The following MAP3K7CL variants were observed in gnomAD, a reference collection of about 807,000 sequenced individuals.
The protein encoded by MAP3K7CL is MAP3K7 C-terminal like.
In MAP3K7CL, 16 loss-of-function variants were observed where a neutral mutation model predicts 18.6. The ratio of observed to expected loss-of-function variants is 0.86; its 90% confidence interval spans 0.58 to 1.31. The LOEUF (loss-of-function observed/expected upper bound fraction) is 1.31. Ranked by LOEUF, MAP3K7CL falls within the 50% of genes most tolerant of loss-of-function variation. The probability of loss-of-function intolerance (pLI) is 0.00; values close to 1 mark genes in which losing one functional copy is unlikely to be tolerated. For missense variants in MAP3K7CL, 163 were observed against 174.4 expected (o/e 0.93, Z 0.37); for synonymous variants, 65 against 66.8 (o/e 0.97, Z 0.13).
chr21:29,119,802 A>G (rs547362582), intron 4 of MAP3K7CL, among the ~76,000 whole-genome samples: 1 of 152,016 alleles, frequency 6.6e-6, no homozygotes, highest in East Asian at 1.9e-4. Flanking sequence ...AGCTGGGATC[A>G]CAGGCACCTG....
At chr21:29,146,724 CA>C (rs139797766) in intron 2 of MAP3K7CL, among the ~76,000 whole-genome samples, 1,829 of 152,258 alleles carry the variant, frequency 0.012, 45 homozygotes, top group African/African-American at 0.042. Flanking sequence ...AAAACAGATT[CA>C]AATTTGGTGA....
In MAP3K7CL at chr21:29,147,807, T is replaced by C. The variant is rs548489603; in HGVS notation, c.71-1382T>C. Among the ~76,000 whole-genome samples the C allele has an allele frequency of 7.2e-5, 11 of 151,934 alleles. No individual in the cohort carries two copies. In the East Asian group the frequency reaches 1.7e-3, roughly 24 times the overall value. ...TCTAACTGTATCTGTACTGTATATG[T>C]GTACTGTATAAACCTAACTGTATCT... On this transcript the variant is annotated intron_variant, in intron 2 of 4. Coordinates refer to ENST00000399928, the MANE Select transcript of MAP3K7CL (RefSeq NM_001286620.2).
At chr21:29,153,284 G>A (rs1296507885) in intron 3 of MAP3K7CL, among the ~76,000 whole-genome samples, 1 of 152,176 alleles carries the variant, frequency 6.6e-6, no homozygotes, top group Admixed American at 6.5e-5. Flanking sequence ...GTAGGTGGAA[G>A]GTCAGTTCTA....
At chr21:29,129,746 T>C (rs1471212487), upstream of MAP3K7CL, among the ~76,000 whole-genome samples, 1 of 152,254 alleles carries the variant, frequency 6.6e-6, no homozygotes, top group Admixed American at 6.5e-5. Context: ...AAGTGGGATA[T>C]ACTATTATGT....
intron 1 of MAP3K7CL, among the ~76,000 whole-genome samples, chr21:29,079,477 C>A (rs945168042): frequency 2.6e-5 from 4 of 152,262 alleles, no homozygotes; most frequent in African/African-American, 9.6e-5. Context: ...CCACTCCCCC[C>A]AGAAAGGTCT....
At chr21:29,107,356 G>T (rs1457310501) in intron 4 of MAP3K7CL, among the ~76,000 whole-genome samples, 1 of 152,064 alleles carries the variant, frequency 6.6e-6, no homozygotes, top group African/African-American at 2.4e-5. Context: ...GACTTATAAA[G>T]AAAATTGGTC....
intron 4 of MAP3K7CL, among the ~76,000 whole-genome samples, chr21:29,113,710 G>C (rs1324999991): frequency 6.6e-6 from 1 of 152,176 alleles, no homozygotes; most frequent in Non-Finnish European, 1.5e-5. Context: ...TTTTAGTAGA[G>C]ATGGGGTTTC....
intron 3 of MAP3K7CL, among the ~76,000 whole-genome samples, chr21:29,159,187 T>C (rs922859666): frequency 1.9e-4 from 29 of 152,186 alleles, no homozygotes; most frequent in African/African-American, 6.3e-4. Context: ...GTAGTACTTT[T>C]AATCACGCAT....
intron 4 of MAP3K7CL, among the ~76,000 whole-genome samples, chr21:29,118,933 C>G (rs554213638): frequency 6.6e-6 from 1 of 152,378 alleles, no homozygotes; most frequent in South Asian, 2.1e-4. Flanking sequence ...CCTCCTACTT[C>G]CCATATTCCC....
Position 29,160,065 on chromosome 21 carries a change from C to T in MAP3K7CL, c.248+9C>T. ...CTGCTTGAGCAAAGGAAGTAAGTAC[C>T]TACCCCCCTCACTCTACATCTGAGC... On this transcript the variant is annotated intron_variant, in intron 4 of 4. Coordinates refer to ENST00000399928, the MANE Select transcript of MAP3K7CL (RefSeq NM_001286620.2). 1.9e-6 allele frequency: 3 copies of T among 1,602,212 alleles called. No individual in the cohort carries two copies. Among genetic ancestry groups the T allele is most frequent in the Non-Finnish European group, 2.6e-6 (3 of 1,169,326 alleles).
chr21:29,117,885 G>GAAC (rs1555874544), intron 4 of MAP3K7CL, among the ~76,000 whole-genome samples: 1 of 151,850 alleles, frequency 6.6e-6, no homozygotes, highest in South Asian at 2.1e-4. Context: ...ACAGGAAGAA[G>GAAC]AGATTATCTT....
chr21:29,082,086 A>G (rs952056004), upstream of MAP3K7CL, among the ~76,000 whole-genome samples: 3 of 152,208 alleles, frequency 2.0e-5, no homozygotes, highest in Non-Finnish European at 4.4e-5. Flanking sequence ...TTTTTGTTTT[A>G]TAATATAATA....
chr21:29,142,605 A>G (rs951126567), intron 2 of MAP3K7CL, among the ~76,000 whole-genome samples: 23 of 152,186 alleles, frequency 1.5e-4, no homozygotes, highest in African/African-American at 5.3e-4. Context: ...CTACTCACAT[A>G]TATACACACA....
rs1406798659 is a variant in MAP3K7CL at position 29,120,730 on chromosome 21, CCTTCCTTCCTTCCTT to C, written c.370+28165_370+28179del. Among the ~76,000 whole-genome samples, 6 of 149,050 alleles carry C rather than the reference CCTTCCTTCCTTCCTT, an allele frequency of 4.0e-5. No homozygotes were observed. The East Asian group carries it at 5.9e-4, about 15-fold the overall frequency. On this transcript the variant is annotated intron_variant, in intron 4 of 6. Transcript: ENST00000286791. The stretch of plus-strand genomic sequence containing the variant: ...CTTTCTCTCCTTCTCTCTTTCTTTT[CCTTCCTTCCTTCCTT>C]CTTCCTTCCTTCCTTTTCTTTCATC...
intron 4 of MAP3K7CL, among the ~76,000 whole-genome samples, chr21:29,170,125 G>A (rs1169926479): frequency 6.6e-6 from 1 of 152,186 alleles, no homozygotes; most frequent in Non-Finnish European, 1.5e-5. Flanking sequence ...GTAGCTTGAT[G>A]TGCCAAGGTT....
rs1198908538 is a variant in MAP3K7CL, at chr21:29,159,928, G to T, written c.133-13G>T. 17 of 1,604,370 alleles carry T rather than the reference G, an allele frequency of 1.1e-5. No individual in the cohort carries two copies. The highest frequency in any genetic ancestry group is 1.7e-5 in the Admixed American group (1 of 59,534). On this transcript the variant is annotated splice_polypyrimidine_tract_variant and intron_variant, in intron 3 of 4. Coordinates refer to ENST00000399928, the MANE Select transcript of MAP3K7CL (RefSeq NM_001286620.2). ...CAAAGAAATGGACTAATTTCTTCTT[G>T]TTGTTTGTGAAGCCCCTGCCGCCTT...
chr21:29,114,053 TAATTA>T (rs919708366), intron 4 of MAP3K7CL, among the ~76,000 whole-genome samples: 55 of 152,192 alleles, frequency 3.6e-4, no homozygotes, highest in South Asian at 1.2e-3. Context: ...TTATTCTAAT[TAATTA>T]AATTAAATTA....
At chr21:29,087,926 A>G (rs1486183556) in intron 1 of MAP3K7CL, among the ~76,000 whole-genome samples, 1 of 152,004 alleles carries the variant, frequency 6.6e-6, no homozygotes, top group Non-Finnish European at 1.5e-5. Flanking sequence ...GCTATACAAC[A>G]CTATGAGATT....
chr21:29,170,257 A>T (rs564441348), intron 4 of MAP3K7CL, among the ~76,000 whole-genome samples: 1 of 152,350 alleles, frequency 6.6e-6, no homozygotes, highest in African/African-American at 2.4e-5. Context: ...CAAATACATG[A>T]CACTAATTTA....
Sources: gnomAD v4.1 joint callset for allele counts (sites outside exome capture counted in the v4.1 genomes callset) on GRCh38, gnomAD v4.1.1 for gene constraint, MANE v1.5 for transcripts, NCBI Gene and HGNC (gene_info 2026-07-23, HGNC 2026-07-21) for gene names.